ZFAND4: variants seen among roughly 807,000 people sequenced by gnomAD.
ZFAND4 encodes the protein zinc finger AN1-type containing 4.
A neutral mutation model predicts 64.4 loss-of-function variants in ZFAND4; 43 were observed. That is an observed-to-expected ratio of 0.67 (90% CI 0.52 to 0.86). ZFAND4 has a LOEUF of 0.86. Among genes scored for constraint, ZFAND4 ranks in the 40% least tolerant of loss-of-function variants. ZFAND4 has a pLI of 0.00. For missense variants in ZFAND4, 929 were observed against 859.8 expected (o/e 1.08, Z -1.01); for synonymous variants, 296 against 305.7 (o/e 0.97, Z 0.33).
At chr10:45,661,539 C>A (rs1438421178) in intron 2 of ZFAND4, among the ~76,000 whole-genome samples, 1 of 152,208 alleles carries the variant, frequency 6.6e-6, no homozygotes, top group African/African-American at 2.4e-5. Context: ...AGCCTCATCT[C>A]TGCCCTCCGT....
At chr10:45,628,083 C>A (rs1327802481) in intron 6 of ZFAND4, among the ~76,000 whole-genome samples, 1 of 152,110 alleles carries the variant, frequency 6.6e-6, no homozygotes, top group Admixed American at 6.5e-5. Flanking sequence ...AATTCAAGAT[C>A]TTATGAATAA....
intron 2 of ZFAND4, among the ~76,000 whole-genome samples, chr10:45,656,848 G>T (rs954592276): frequency 2.4e-4 from 36 of 152,026 alleles, no homozygotes; most frequent in African/African-American, 8.7e-4. Context: ...TCTACCGTGA[G>T]AGGATGTAGA....
In ZFAND4 at chr10:45,626,855, C is replaced by T; in HGVS notation, c.968G>A (p.Trp323Ter). 1.2e-6 allele frequency: 2 copies of T among 1,614,190 alleles called. No homozygotes were observed. Among genetic ancestry groups the T allele is most frequent in the South Asian group, 1.1e-5 (1 of 91,086 alleles). The change falls in exon 7 of 10, where the codon TGG becomes TAG. Residue 323 changes from tryptophan to a stop codon, truncating the protein, a stop_gained. Coordinates refer to ENST00000344646, the MANE Select transcript of ZFAND4 (RefSeq NM_174890.4). LOFTEE classifies it high-confidence loss of function. ...GAAGTGAGACAGTGTGTTATTCTCCCAGCTATTATCTTCCTTAAGAAATTC... is the reference window on the plus strand; with the variant it reads ...GAAGTGAGACAGTGTGTTATTCTCCTAGCTATTATCTTCCTTAAGAAATTC... ...TGEFLKEDNSWENNTLSHFSS... is the reference protein window; with the variant it reads ...TGEFLKEDNS
chr10:45,646,410 GT>G (rs1180377110), intron 5 of ZFAND4, among the ~76,000 whole-genome samples: 1 of 152,138 alleles, frequency 6.6e-6, no homozygotes, highest in South Asian at 2.1e-4. Context: ...TGATCAGATT[GT>G]TTTCTACTCC....
At chr10:45,640,240 C>T in intron 5 of ZFAND4, 4 of 1,216,876 alleles carry the variant, frequency 3.3e-6, no homozygotes, top group Non-Finnish European at 4.1e-6. Flanking sequence ...TTGACACCTG[C>T]CATATCATTC....
chr10:45,626,286 G>C lies in ZFAND4; in HGVS notation c.1537C>G (p.Gln513Glu). The change falls in exon 7 of 10, where the codon CAA becomes GAA. Residue 513 changes from glutamine to glutamate, a missense_variant. Physicochemically the swap from Gln to Glu is conservative, Grantham distance 29 (BLOSUM62 2). Coordinates refer to ENST00000344646, the MANE Select transcript of ZFAND4 (RefSeq NM_174890.4). The stretch of plus-strand genomic sequence containing the variant: ...GAGAAAGAAGAATCAGTTATGTTTT[G>C]AACATCCAGTGACTGAGAAGAAGAA... Reference protein sequence around the residue: ...QPSSSQSLDVQNITDSSFSRT... With the variant: ...QPSSSQSLDVENITDSSFSRT... 1 of 1,614,132 alleles carries C rather than the reference G, an allele frequency of 6.2e-7. No individual in the cohort carries two copies. Among genetic ancestry groups the C allele is most frequent in the Admixed American group, 1.7e-5 (1 of 60,018 alleles).
intron 6 of ZFAND4, among the ~76,000 whole-genome samples, chr10:45,627,780 T>C (rs1334342291): frequency 6.6e-6 from 1 of 152,148 alleles, no homozygotes; most frequent in East Asian, 1.9e-4. Flanking sequence ...CTAATGAGCC[T>C]CCCCGGTAAA....
intron 1 of ZFAND4, among the ~76,000 whole-genome samples, chr10:45,671,822 A>T (rs2049217102): frequency 8.3e-6 from 1 of 120,772 alleles, no homozygotes; most frequent in African/African-American, 3.8e-5. Context: ...CCTAGAACTT[A>T]AAAAAAAAAA....
intron 5 of ZFAND4, among the ~76,000 whole-genome samples, chr10:45,645,725 T>A (rs2047334870): frequency 6.6e-6 from 1 of 152,192 alleles, no homozygotes. Flanking sequence ...TTAAGTGATA[T>A]CTCTATTCCC....
chr10:45,631,081 G>A (rs1431879108), intron 6 of ZFAND4, among the ~76,000 whole-genome samples: 1 of 152,062 alleles, frequency 6.6e-6, no homozygotes, highest in African/African-American at 2.4e-5. Context: ...CACTTTGGAA[G>A]GCCGAGGCGG....
At chr10:45,656,891 G>T (rs1022609275) in intron 2 of ZFAND4, among the ~76,000 whole-genome samples, 8 of 152,046 alleles carry the variant, frequency 5.3e-5, no homozygotes, top group Non-Finnish European at 1.2e-4. Context: ...CAGAAAGAGT[G>T]CCCTCACCAG....
chr10:45,656,032 C>T (rs963321096), intron 2 of ZFAND4, among the ~76,000 whole-genome samples: 2 of 150,880 alleles, frequency 1.3e-5, no homozygotes, highest in Non-Finnish European at 3.0e-5. Context: ...GAGATCAAGA[C>T]CATCCTGGCT....
intron 1 of ZFAND4, among the ~76,000 whole-genome samples, chr10:45,664,889 C>T (rs181493587): frequency 6.6e-6 from 1 of 152,172 alleles, no homozygotes; most frequent in Non-Finnish European, 1.5e-5. Context: ...CGAGATTGCG[C>T]CACAACACCC....
At chr10:45,659,976 G>C (rs2048358808) in intron 2 of ZFAND4, among the ~76,000 whole-genome samples, 1 of 151,952 alleles carries the variant, frequency 6.6e-6, no homozygotes, top group Admixed American at 6.6e-5. Context: ...AGGAGATCGA[G>C]ACCATCCTGA....
At chr10:45,663,109 C>G (rs1429816096) in intron 2 of ZFAND4, among the ~76,000 whole-genome samples, 1 of 147,354 alleles carries the variant, frequency 6.8e-6, no homozygotes, top group African/African-American at 2.5e-5. Context: ...CGGAAAACCT[C>G]CACATTAAAA....
At chr10:45,657,860 T>A (rs945659730) in intron 2 of ZFAND4, among the ~76,000 whole-genome samples, 2 of 152,208 alleles carry the variant, frequency 1.3e-5, no homozygotes, top group African/African-American at 4.8e-5. Flanking sequence ...TGATTTCATT[T>A]ATATAAAATT....
intron 4 of ZFAND4, chr10:45,651,535 T>C (rs750409394): frequency 1.5e-5 from 7 of 469,782 alleles, no homozygotes; most frequent in Non-Finnish European, 2.6e-5. Context: ...GGGGCCATGA[T>C]AATATCCATG....
rs534434375 is a variant in ZFAND4, at chr10:45,627,490, C to T, written c.718-385G>A. On this transcript the variant is annotated intron_variant, in intron 6 of 9. Transcript: ENST00000344646. ...GTACACAGAAAAAAAGTTATCAATCCTAAAAAAAAAAAAAAAGTTAAAAGG... is the reference window on the plus strand; with the variant it reads ...GTACACAGAAAAAAAGTTATCAATCTTAAAAAAAAAAAAAAAGTTAAAAGG... Among the ~76,000 whole-genome samples, 12 of 147,482 alleles carry T rather than the reference C, an allele frequency of 8.1e-5. No homozygotes were observed. The South Asian group carries it at 2.6e-3, about 31-fold the overall frequency.
At chr10:45,672,167 A>G (rs1037904714) in intron 1 of ZFAND4, 83 bp downstream of exon 1, 4 of 152,246 alleles carry the variant, frequency 2.6e-5, no homozygotes, top group African/African-American at 9.7e-5. Flanking sequence ...TCTGTAGCCT[A>G]AACTCTAGTC....
Sources: gnomAD v4.1 joint callset for allele counts (sites outside exome capture counted in the v4.1 genomes callset) on GRCh38, gnomAD v4.1.1 for gene constraint, MANE v1.5 for transcripts, NCBI Gene and HGNC (gene_info 2026-07-23, HGNC 2026-07-21) for gene names.